The following PDE10A variants were observed in gnomAD, a reference collection of about 807,000 sequenced individuals.
The protein encoded by PDE10A is cAMP and cAMP-inhibited cGMP 3',5'-cyclic phosphodiesterase 10A.
A neutral mutation model predicts 97.7 loss-of-function variants in PDE10A; 39 were observed. That is an observed-to-expected ratio of 0.40 (90% confidence interval 0.31 to 0.52). The LOEUF is 0.52. PDE10A is among the 20% of genes least tolerant of loss of function. PDE10A has a pLI of 0.56. For synonymous variants in PDE10A, 371 were observed against 376.8 expected (o/e 0.98, Z 0.18); for missense variants, 731 against 1,047.8 (o/e 0.70, Z 4.17).
rs1267935473 is a variant in PDE10A, at chr6:165,662,790, G to A, written c.22C>T (p.Leu8Phe). Among the ~76,000 whole-genome samples, 1 of 149,712 alleles carries A rather than the reference G, an allele frequency of 6.7e-6. No homozygotes were observed. The highest frequency in any genetic ancestry group is 1.5e-5 in the Non-Finnish European group (1 of 67,054). Residue 8 changes from leucine to phenylalanine, a missense_variant, in exon 1 of 22, where the codon CTT becomes TTT. By Grantham distance (22) the Leu-to-Phe change is conservative. Around this residue, in one of 8 missense-constraint regions of PDE10A, gnomAD observed 181 missense variants for 159.1 expected, o/e 1.14. Transcript: ENST00000539869. MASLEEP[L>F]APRPQGPLPA... ...AGGGGACCCTGGGGGCGGGGAGCAA[G>A]AGGCTCCTCGAGGCTGGCCATGGTT...
At chr6:165,470,582 A>G (rs1043660234) in intron 3 of PDE10A, among the ~76,000 whole-genome samples, 3 of 152,194 alleles carry the variant, frequency 2.0e-5, no homozygotes, top group African/African-American at 7.2e-5. Context: ...GAAAAGTATT[A>G]CCTCTTACAA....
intron 1 of PDE10A, among the ~76,000 whole-genome samples, chr6:165,717,723 G>A (rs1792060823): frequency 6.6e-6 from 1 of 152,220 alleles, no homozygotes; most frequent in Non-Finnish European, 1.5e-5. Context: ...TTCCTGCGAT[G>A]GTTGCACTGT....
At chr6:165,837,233 G>T (rs1780088876) in intron 1 of PDE10A, among the ~76,000 whole-genome samples, 1 of 151,980 alleles carries the variant, frequency 6.6e-6, no homozygotes, top group African/African-American at 2.4e-5. Flanking sequence ...TCCAAATCAG[G>T]AAATTAGAGG....
chr6:165,624,484 A>G (rs1477701447), intron 1 of PDE10A, among the ~76,000 whole-genome samples: 1 of 152,196 alleles, frequency 6.6e-6, no homozygotes, highest in African/African-American at 2.4e-5. Context: ...CTCTTGCAGC[A>G]TTTCTCTGTT....
In PDE10A at chr6:165,396,451, A is replaced by G. The variant is rs111737394; in HGVS notation, c.2085T>C (p.His695=). 1,228 of 1,610,954 alleles carry G rather than the reference A, an allele frequency of 7.6e-4. 9 individuals carry two copies. In the African/African-American group the frequency reaches 0.014, roughly 18 times the overall value. Residue 695 remains histidine (H), a synonymous_variant, in exon 14 of 22, where the codon CAT becomes CAC. Transcript: ENST00000539869. The part of the protein sequence containing the change: ...ALALHCANMY[H]RIRHSECIYR... ...AAATGCACTCTGAGTGGCGAATTCT[A>G]TGATACATCTAGAAGGCAAATCCAA...
intron 1 of PDE10A, among the ~76,000 whole-genome samples, chr6:165,618,557 G>T (rs778008299): frequency 1.5e-4 from 23 of 152,150 alleles, no homozygotes; most frequent in African/African-American, 5.6e-4. Context: ...ATCCAGGAGC[G>T]GGACTTAACA....
intron 1 of PDE10A, among the ~76,000 whole-genome samples, chr6:165,757,482 C>T (rs1020100844): frequency 2.0e-5 from 3 of 152,032 alleles, no homozygotes; most frequent in Admixed American, 6.5e-5. Flanking sequence ...AAATAATTCT[C>T]ACTTTTTTTC....
chr6:165,958,646 G>A (rs1185259890), intron 1 of PDE10A, among the ~76,000 whole-genome samples: 1 of 151,396 alleles, frequency 6.6e-6, no homozygotes, highest in Non-Finnish European at 1.5e-5. Context: ...AGAAAGGAAG[G>A]AAGGAAATGA....
chr6:165,681,280 T>A (rs571864625), intron 1 of PDE10A, among the ~76,000 whole-genome samples: 1 of 152,220 alleles, frequency 6.6e-6, no homozygotes, highest in Non-Finnish European at 1.5e-5. Flanking sequence ...TTAAGAAGCC[T>A]GTTTCCTAAT....
chr6:165,890,721 G>A (rs974361282), intron 1 of PDE10A, among the ~76,000 whole-genome samples: 4 of 152,152 alleles, frequency 2.6e-5, no homozygotes, highest in Admixed American at 1.3e-4. Flanking sequence ...CGGTGAGAGG[G>A]TTAAAGGAAC....
At chr6:165,739,096 T>C (rs750696710) in intron 1 of PDE10A, among the ~76,000 whole-genome samples, 2 of 152,224 alleles carry the variant, frequency 1.3e-5, no homozygotes, top group African/African-American at 2.4e-5. Context: ...TGAAATCTTA[T>C]GAAAATTCCA....
chr6:165,540,896 T>C (rs534416823), intron 2 of PDE10A, among the ~76,000 whole-genome samples: 52 of 152,074 alleles, frequency 3.4e-4, no homozygotes, highest in Non-Finnish European at 4.6e-4. Context: ...TCCCAAAGTG[T>C]TGGGATTATA....
chr6:165,472,047 T>A (rs1019402549), intron 3 of PDE10A, among the ~76,000 whole-genome samples: 3 of 152,200 alleles, frequency 2.0e-5, no homozygotes, highest in Non-Finnish European at 4.4e-5. Flanking sequence ...GTTATTTTCC[T>A]AGCACACTTC....
intron 1 of PDE10A, among the ~76,000 whole-genome samples, chr6:165,609,278 T>C (rs1442940070): frequency 6.6e-6 from 1 of 152,234 alleles, no homozygotes; most frequent in East Asian, 1.9e-4. Context: ...TCTCAGTAGA[T>C]GCAGAAAAGG....
At chr6:165,942,690 T>G (rs930694105) in intron 1 of PDE10A, among the ~76,000 whole-genome samples, 1 of 152,140 alleles carries the variant, frequency 6.6e-6, no homozygotes, top group Non-Finnish European at 1.5e-5. Flanking sequence ...TACTGCTAAT[T>G]CTGATCATTT....
At chr6:165,377,101 G>T (rs188769000) in intron 18 of PDE10A, among the ~76,000 whole-genome samples, 2 of 152,262 alleles carry the variant, frequency 1.3e-5, no homozygotes, top group East Asian at 3.9e-4. Flanking sequence ...AAATTAAGGT[G>T]TGTATTTTTT....
intron 1 of PDE10A, among the ~76,000 whole-genome samples, chr6:165,650,991 C>G (rs1251502457): frequency 6.6e-6 from 1 of 152,226 alleles, no homozygotes; most frequent in East Asian, 1.9e-4. Context: ...CCACCTCGGC[C>G]TCCCAAAGTG....
At chr6:165,537,137 G>C (rs1031420689) in intron 2 of PDE10A, among the ~76,000 whole-genome samples, 6 of 151,932 alleles carry the variant, frequency 3.9e-5, no homozygotes, top group African/African-American at 1.4e-4. Context: ...ATCATTTGCA[G>C]CAACATGGAT....
At chr6:165,872,422 C>T (rs553553604) in intron 1 of PDE10A, among the ~76,000 whole-genome samples, 2 of 152,242 alleles carry the variant, frequency 1.3e-5, no homozygotes, top group South Asian at 4.2e-4. Flanking sequence ...GTTGGTGGGT[C>T]CAGAGGATGC....
Sources: gnomAD v4.1 joint callset for allele counts (sites outside exome capture counted in the v4.1 genomes callset) on GRCh38, gnomAD v4.1.1 for gene constraint, gnomAD v4.1.1 regional missense constraint, MANE v1.5 for transcripts, NCBI Gene and HGNC (gene_info 2026-07-23, HGNC 2026-07-21) for gene names.